PTPRQ: variants seen among roughly 807,000 people sequenced by gnomAD.
The protein encoded by PTPRQ is protein tyrosine phosphatase receptor type Q.
A neutral mutation model predicts 246.0 loss-of-function variants in PTPRQ; 199 were observed. The observed-to-expected ratio is 0.81, with a 90% confidence interval of 0.72 to 0.91. The LOEUF (loss-of-function observed/expected upper bound fraction) is 0.91. Among genes scored for constraint, PTPRQ ranks in the 40% least tolerant of loss-of-function variants. The pLI, the probability that PTPRQ is intolerant of heterozygous loss-of-function variation, is 0.00. For missense variants in PTPRQ, 2,624 were observed against 2,528.4 expected, an observed-to-expected ratio of 1.04 and a Z score of -0.81; for synonymous variants, 869 against 853.2, an observed-to-expected ratio of 1.02 and a Z score of -0.32.
At chr12:80,608,871 A>T (rs1898437547) in intron 27 of PTPRQ, among the ~76,000 whole-genome samples, 2 of 150,646 alleles carry the variant, frequency 1.3e-5, no homozygotes, top group Non-Finnish European at 1.5e-5. Context: ...TCTCAATAAT[A>T]TTTTTTCAGC....
chr12:80,610,440 T>C lies in PTPRQ; in HGVS notation c.4733T>C (p.Val1578Ala). Residue 1578 changes from valine to alanine, a missense_variant and splice_region_variant, in exon 28 of 45, where the codon GTA (valine) becomes GCA (alanine). Coordinates refer to ENST00000644991, the MANE Select transcript of PTPRQ (RefSeq NM_001145026.2). ...ATTTTTACTTATATTTTCCTATAGG[T>C]AGATAATGATGAATTTAATATATCC... ...PTCYLIDVKS[V>A]DNDEFNISFI... is the part of the protein sequence containing the mutation. The C allele has an allele frequency of 6.8e-7, 1 of 1,478,910 alleles. No individual in the cohort carries two copies. Among genetic ancestry groups the C allele is most frequent in the Non-Finnish European group, 9.0e-7 (1 of 1,109,392 alleles). The allele number at this position is 1,478,910 out of a possible 1,614,324, so 91.6% of individuals were successfully genotyped here. A position where few individuals can be genotyped will look rare whatever the true frequency, so the allele number is the denominator to read the frequency against.
At chr12:80,616,967 A>G (rs1377667088) in intron 30 of PTPRQ, among the ~76,000 whole-genome samples, 1 of 151,220 alleles carries the variant, frequency 6.6e-6, no homozygotes, top group Non-Finnish European at 1.5e-5. Context: ...AAACCTTCAG[A>G]GAGGTTTTAA....
chr12:80,481,677 T>C (rs1295567645), intron 8 of PTPRQ, among the ~76,000 whole-genome samples: 3 of 151,982 alleles, frequency 2.0e-5, no homozygotes, highest in Non-Finnish European at 4.4e-5. Context: ...TTCAGCAAAG[T>C]CTCAGGATAC....
chr12:80,466,244 C>T (rs1217883581), intron 6 of PTPRQ, among the ~76,000 whole-genome samples: 1 of 152,166 alleles, frequency 6.6e-6, no homozygotes, highest in Admixed American at 6.5e-5. Context: ...CATGAGTGAA[C>T]TCCCATTCAC....
intron 9 of PTPRQ, among the ~76,000 whole-genome samples, chr12:80,492,049 A>G (rs1894465619): frequency 6.6e-6 from 1 of 151,848 alleles, no homozygotes; most frequent in Non-Finnish European, 1.5e-5. Flanking sequence ...AAGAGAGTAG[A>G]TTTTTCAGCA....
intron 35 of PTPRQ, among the ~76,000 whole-genome samples, chr12:80,643,158 C>CCTGATTTAAAAAAGTATTA (rs1192553234): frequency 3.3e-5 from 5 of 151,986 alleles, no homozygotes; most frequent in African/African-American, 1.2e-4. Context: ...TATTACATGG[C>CCTGATTTAAAAAAGTATTA]CAGGCGCGGT....
chr12:80,678,899 G>A (rs1901230834), intron 44 of PTPRQ, 87 bp from the exon 45 acceptor site: 1 of 1,466,578 alleles, frequency 6.8e-7, no homozygotes. Flanking sequence ...TACCCTTTCT[G>A]TCTACATTAT....
At chr12:80,582,326 T>G (rs1467524950) in intron 25 of PTPRQ, among the ~76,000 whole-genome samples, 2 of 152,160 alleles carry the variant, frequency 1.3e-5, no homozygotes, top group Non-Finnish European at 2.9e-5. Flanking sequence ...GACATTGCCT[T>G]TTACTCTCAA....
At chr12:80,532,912 G>T (rs1895885723) in intron 17 of PTPRQ, among the ~76,000 whole-genome samples, 1 of 152,128 alleles carries the variant, frequency 6.6e-6, no homozygotes, top group South Asian at 2.1e-4. Context: ...TGACTGAAAT[G>T]TATCTCTGTG....
chr12:80,583,902 T>C (rs1897528307), intron 25 of PTPRQ: 1 of 152,198 alleles, frequency 6.6e-6, no homozygotes, highest in African/African-American at 2.4e-5. Context: ...CCTGGCTGGC[T>C]TTTAGCTAAG....
intron 25 of PTPRQ, among the ~76,000 whole-genome samples, chr12:80,580,516 G>A (rs577509297): frequency 6.6e-6 from 1 of 152,192 alleles, no homozygotes; most frequent in African/African-American, 2.4e-5. Flanking sequence ...ATTCAATAGG[G>A]CAGTTGCCTT....
intron 26 of PTPRQ, among the ~76,000 whole-genome samples, chr12:80,596,267 T>A (rs1008954366): frequency 2.2e-4 from 33 of 152,152 alleles, no homozygotes; most frequent in African/African-American, 7.2e-4. Flanking sequence ...CAACTATATA[T>A]TTAATGTCAA....
At chr12:80,539,234 AT>A (rs1896077476) in intron 19 of PTPRQ, among the ~76,000 whole-genome samples, 1 of 152,116 alleles carries the variant, frequency 6.6e-6, no homozygotes, top group Non-Finnish European at 1.5e-5. Flanking sequence ...TCAGTCTGCT[AT>A]CCCTTTGCTA....
intron 26 of PTPRQ, among the ~76,000 whole-genome samples, chr12:80,588,908 C>G (rs1032602543): frequency 2.0e-5 from 3 of 152,126 alleles, no homozygotes; most frequent in Admixed American, 1.3e-4. Context: ...GTCTGCAAGT[C>G]GTTTTTCAGC....
intron 17 of PTPRQ, chr12:80,512,754 A>C (rs1374652244): frequency 1.3e-5 from 2 of 152,136 alleles, no homozygotes; most frequent in African/African-American, 4.8e-5. Flanking sequence ...AATCAATTCA[A>C]AGTTTAACTC....
intron 39 of PTPRQ, among the ~76,000 whole-genome samples, chr12:80,668,484 C>T (rs1024161206): frequency 6.6e-6 from 1 of 151,820 alleles, no homozygotes; most frequent in South Asian, 2.1e-4. Flanking sequence ...GAAGAGTGTA[C>T]ATATATCTGC....
intron 26 of PTPRQ, among the ~76,000 whole-genome samples, chr12:80,598,404 C>T: frequency 6.6e-6 from 1 of 151,898 alleles, no homozygotes; most frequent in Non-Finnish European, 1.5e-5. Flanking sequence ...AGGAATATGT[C>T]CTGAGATACT....
chr12:80,597,979 C>T (rs1409166890), intron 26 of PTPRQ, among the ~76,000 whole-genome samples: 1 of 151,880 alleles, frequency 6.6e-6, no homozygotes, highest in African/African-American at 2.4e-5. Flanking sequence ...TCATTCTTAC[C>T]TGGCATGTCC....
chr12:80,454,676 AG>A, intron 3 of PTPRQ: 1 of 600,700 alleles, frequency 1.7e-6, no homozygotes, highest in Non-Finnish European at 3.0e-6. Flanking sequence ...TTTATCATGA[AG>A]GGATATTGGA....
Sources: gnomAD v4.1 joint callset for allele counts (sites outside exome capture counted in the v4.1 genomes callset) on GRCh38, gnomAD v4.1.1 for gene constraint, MANE v1.5 for transcripts, NCBI Gene and HGNC (gene_info 2026-07-23, HGNC 2026-07-21) for gene names.